DNAH2: variants seen among roughly 807,000 people sequenced by gnomAD.
The protein encoded by DNAH2 is dynein axonemal heavy chain 2, also known as axonemal beta dynein heavy chain 2.
A neutral mutation model predicts 523.5 loss-of-function variants in DNAH2; 323 were observed. The ratio of observed to expected loss-of-function variants is 0.62; its 90% CI spans 0.56 to 0.68. DNAH2 has a LOEUF of 0.68. Among genes scored for constraint, DNAH2 ranks in the 30% least tolerant of loss-of-function variants. DNAH2 has a pLI of 0.00. For missense variants in DNAH2, 4,907 were observed against 5,701.5 expected (o/e 0.86, Z 4.49); for synonymous variants, 2,093 against 2,177.4 (o/e 0.96, Z 1.08).
chr17:7,771,528 G>A (rs1026535348), intron 28 of DNAH2, 60 bp downstream of exon 28: 18 of 1,585,774 alleles, frequency 1.1e-5, no homozygotes, highest in Non-Finnish European at 1.5e-5. Context: ...CTTGGTCATG[G>A]TTGCGTGCTT....
chr17:7,822,257 C>T (rs2077876490), intron 73 of DNAH2, among the ~76,000 whole-genome samples: 1 of 152,326 alleles, frequency 6.6e-6, no homozygotes, highest in African/African-American at 2.4e-5. Context: ...AGGTGTGAGC[C>T]ACTGTGCCCG....
intron 2 of DNAH2, among the ~76,000 whole-genome samples, chr17:7,720,369 G>A (rs531278984): frequency 1.3e-5 from 2 of 152,280 alleles, no homozygotes; most frequent in South Asian, 4.1e-4. Flanking sequence ...ATCTGTTGAG[G>A]GCTGTTCTAT....
At chr17:7,743,908 A>G (rs890301674) in intron 12 of DNAH2, 2 of 152,478 alleles carry the variant, frequency 1.3e-5, no homozygotes, top group African/African-American at 4.8e-5. Context: ...AGCACCTTCC[A>G]TGTGTCAGGA....
rs188241148 is a variant in DNAH2, at chr17:7,772,504, G to C, written c.4501+1036G>C. ...GTCCACGGCTACTGAGCATGCCTGTGATCTCCAGGGGTCACTCAGGTTTGA... is the reference window on the plus strand; with the variant it reads ...GTCCACGGCTACTGAGCATGCCTGTCATCTCCAGGGGTCACTCAGGTTTGA... On this transcript the variant is annotated intron_variant, in intron 28 of 85. Transcript: ENST00000572933. Among the ~76,000 whole-genome samples the C allele has an allele frequency of 2.7e-3, 410 of 152,294 alleles. 3 individuals carry two copies. Among genetic ancestry groups the C allele is most frequent in the African/African-American group, 9.3e-3 (386 of 41,562 alleles).
Position 7,792,862 on chromosome 17 carries a change from CGGGG to C in DNAH2, c.7344+8_7344+11del. ...TGTCAACATGTCCGCACAGGTGTGT[CGGGG>C]ATCCAGGGGCCAGGCTGCCGGCTCC... On this transcript the variant is annotated splice_region_variant and intron_variant, in intron 47 of 85. Coordinates refer to ENST00000572933, the MANE Select transcript of DNAH2 (RefSeq NM_020877.5). 1 of 1,609,072 alleles carries C rather than the reference CGGGG, an allele frequency of 6.2e-7. No individual in the cohort carries two copies. The highest frequency in any genetic ancestry group is 2.2e-5 in the East Asian group (1 of 44,726).
At chr17:7,779,572 A>G in intron 36 of DNAH2, 149 bp downstream of exon 36, 1 of 916,214 alleles carries the variant, frequency 1.1e-6, no homozygotes, top group Admixed American at 2.7e-5. Flanking sequence ...AGAGAAGGAT[A>G]AACACAACTT....
Position 7,740,887 on chromosome 17 carries a change from T to C in DNAH2, c.1584T>C (p.Arg528=). 3 of 1,614,072 alleles carry C rather than the reference T, an allele frequency of 1.9e-6. No individual in the cohort carries two copies. The highest frequency in any genetic ancestry group is 2.5e-6 in the Non-Finnish European group (3 of 1,179,926). ...LFNSELALVN[R]ERNKKWPDLE... ...ATAGCGAGCTGGCCCTGGTGAACCG[T>C]GAACGGAACAAGAAATGGCCAGACC... The change falls in exon 11 of 86, where the codon CGT becomes CGC. Residue 528 remains arginine, a synonymous_variant. Transcript: ENST00000572933.
chr17:7,764,456 C>G (rs1303909148), intron 20 of DNAH2, among the ~76,000 whole-genome samples, 183 bp downstream of exon 20: 6 of 151,142 alleles, frequency 4.0e-5, no homozygotes, highest in African/African-American at 1.2e-4. Flanking sequence ...TTTTCCTCTT[C>G]TTCTTCCTCT....
intron 12 of DNAH2, among the ~76,000 whole-genome samples, chr17:7,750,474 T>G (rs2075653254): frequency 6.6e-6 from 1 of 152,192 alleles, no homozygotes. Context: ...TTTGTTGGTG[T>G]GTATCCATTA....
Position 7,770,246 on chromosome 17 carries a change from C to A in DNAH2, c.3942-6C>A. 1 of 1,596,292 alleles carries A rather than the reference C, an allele frequency of 6.3e-7. No individual in the cohort carries two copies. Among genetic ancestry groups the A allele is most frequent in the Non-Finnish European group, 8.5e-7 (1 of 1,171,572 alleles). Reference sequence around the variant, plus strand: ...TGACCTCACACCCTCCTGTTCCTGGCTGCAGGCACTGGGACCAGGTCCGGG... The same window carrying A: ...TGACCTCACACCCTCCTGTTCCTGGATGCAGGCACTGGGACCAGGTCCGGG... On this transcript the variant is annotated splice_polypyrimidine_tract_variant and splice_region_variant and intron_variant, in intron 24 of 85. Transcript: ENST00000572933.
Position 7,791,950 on chromosome 17 carries a change from A to G in DNAH2, c.6934A>G (p.Met2312Val). The G allele has an allele frequency of 6.2e-7, 1 of 1,613,546 alleles. No individual in the cohort carries two copies. The highest frequency in any genetic ancestry group is 8.5e-7 in the Non-Finnish European group (1 of 1,179,848). Reference sequence around the variant, plus strand: ...AGCTGACGGCGAGAACTATGTCACCATGGTAGAGATGACATTTGTGTTCAG... The same window carrying G: ...AGCTGACGGCGAGAACTATGTCACCGTGGTAGAGATGACATTTGTGTTCAG... Reference protein sequence around the residue: ...NPADGENYVTMVEMTFVFSMI... With the variant: ...NPADGENYVTVVEMTFVFSMI... Residue 2312 changes from methionine to valine, a missense_variant, in exon 45 of 86, where the codon ATG becomes GTG. Around this residue, in one of 3 missense-constraint regions of DNAH2, gnomAD observed 2,806 missense variants for 3,190.8 expected, o/e 0.88. Coordinates refer to ENST00000572933, the MANE Select transcript of DNAH2 (RefSeq NM_020877.5).
intron 49 of DNAH2, among the ~76,000 whole-genome samples, chr17:7,795,002 A>G (rs1239423515): frequency 6.6e-6 from 1 of 151,536 alleles, no homozygotes; most frequent in African/African-American, 2.4e-5. Context: ...AGATCCACCA[A>G]CCTCAGCCTC....
At chr17:7,783,592 G>A (rs547166260) in intron 39 of DNAH2, among the ~76,000 whole-genome samples, 20 of 152,024 alleles carry the variant, frequency 1.3e-4, no homozygotes, top group Non-Finnish European at 2.4e-4. Flanking sequence ...GGAGGCATAA[G>A]CAGGTGGATT....
intron 22 of DNAH2, among the ~76,000 whole-genome samples, 159 bp downstream of exon 22, chr17:7,766,640 CTTTT>C (rs58072098): frequency 3.3e-4 from 28 of 84,428 alleles, no homozygotes; most frequent in Non-Finnish European, 5.4e-4. Flanking sequence ...AAAATTAATC[CTTTT>C]TTTTTTTTTT....
chr17:7,749,477 G>A (rs1467467114), intron 12 of DNAH2, among the ~76,000 whole-genome samples: 19 of 151,974 alleles, frequency 1.3e-4, no homozygotes, highest in African/African-American at 4.1e-4. Context: ...AAGACATCCA[G>A]TTTGAAGGAC....
At chr17:7,723,745 A>G (rs2074706862) in intron 3 of DNAH2, 56 bp downstream of exon 3, 1 of 1,487,266 alleles carries the variant, frequency 6.7e-7, no homozygotes, top group Non-Finnish European at 9.4e-7. Context: ...GGTGAATCAA[A>G]GGATCAGTTG....
Position 7,739,781 on chromosome 17 carries a change from G to A in DNAH2, c.1219G>A (p.Gly407Ser). 6.2e-7 allele frequency: 1 copy of A among 1,613,810 alleles called. No individual in the cohort carries two copies. Among genetic ancestry groups the A allele is most frequent in the Middle Eastern group, 1.7e-4 (1 of 5,954 alleles). Residue 407 changes from glycine (G) to serine (S), a missense_variant, in exon 9 of 86, where the codon GGT (glycine) becomes AGT (serine). By Grantham distance (56) the Gly-to-Ser change is moderately conservative. Around this residue, in one of 3 missense-constraint regions of DNAH2, gnomAD observed 2,806 missense variants for 3,190.8 expected, o/e 0.88. Coordinates refer to ENST00000572933, the MANE Select transcript of DNAH2 (RefSeq NM_020877.5). ...HFARWEDGKQGPLPCFFGAQG... is the reference protein window; with the variant it reads ...HFARWEDGKQSPLPCFFGAQG... ...CGCCCGCTGGGAAGATGGCAAGCAG[G>A]GTCCCCTTCCTTGCTTCTTTGGTGC...
intron 63 of DNAH2, among the ~76,000 whole-genome samples, chr17:7,814,185 CAAAAAA>C (rs59214536): frequency 3.0e-5 from 3 of 101,480 alleles, no homozygotes; most frequent in Non-Finnish European, 6.0e-5. Flanking sequence ...CACTATTCTC[CAAAAAA>C]AAAAAAAAAA....
chr17:7,794,236 C>CT lies in DNAH2; in HGVS notation c.7570-16dup, dbSNP rs2077001760. The CT allele has an allele frequency of 6.3e-7, 1 of 1,589,664 alleles. No homozygotes were observed. The highest frequency in any genetic ancestry group is 8.6e-7 in the Non-Finnish European group (1 of 1,167,784). On this transcript the variant is annotated splice_polypyrimidine_tract_variant and intron_variant, in intron 48 of 85. Coordinates refer to ENST00000572933, the MANE Select transcript of DNAH2 (RefSeq NM_020877.5). ...TCTCCCCTCCTGCCTGTCTGCCCTC[C>CT]TTGTCGCTGCTCTCTAGGAAATGTT...
Sources: allele counts gnomAD v4.1 joint callset (sites outside exome capture counted in the v4.1 genomes callset), GRCh38; gene constraint gnomAD v4.1.1; regional missense constraint gnomAD v4.1.1; transcripts MANE v1.5; gene names NCBI Gene and HGNC (gene_info 2026-07-23, HGNC 2026-07-21).